The following MAGI2 variants were observed in gnomAD, a reference collection of about 807,000 sequenced individuals.
The protein encoded by MAGI2 is membrane-associated guanylate kinase, WW and PDZ domain-containing protein 2.
In MAGI2, 35 loss-of-function variants were observed where a neutral mutation model predicts 133.3. The ratio of observed to expected loss-of-function variants is 0.26; its 90% CI spans 0.20 to 0.35. The LOEUF (loss-of-function observed/expected upper bound fraction) is 0.35. Ranked by LOEUF, MAGI2 falls within the 10% of genes least tolerant of loss-of-function variation. The pLI is 1.00. For missense variants in MAGI2, 1,636 were observed against 1,863.4 expected (o/e 0.88, Z 2.25); for synonymous variants, 729 against 710.6 (o/e 1.03, Z -0.41).
intron 2 of MAGI2, among the ~76,000 whole-genome samples, chr7:78,980,918 T>C (rs1804729038): frequency 6.6e-6 from 1 of 151,790 alleles, no homozygotes; most frequent in Admixed American, 6.6e-5. Flanking sequence ...TAATTGTGTA[T>C]AGAATTCTCA....
At chr7:79,298,939 C>T (rs1837162674) in intron 1 of MAGI2, among the ~76,000 whole-genome samples, 1 of 152,176 alleles carries the variant, frequency 6.6e-6, no homozygotes, top group South Asian at 2.1e-4. Flanking sequence ...TAATCTCAGG[C>T]TTCTAATCTC....
chr7:78,541,192 G>A (rs1173215795), intron 3 of MAGI2, among the ~76,000 whole-genome samples: 1 of 152,040 alleles, frequency 6.6e-6, no homozygotes, highest in African/African-American at 2.4e-5. Flanking sequence ...GCTGCAATAA[G>A]GATTTTTTTT....
At chr7:79,190,619 C>A (rs1409400396) in intron 1 of MAGI2, among the ~76,000 whole-genome samples, 1 of 151,764 alleles carries the variant, frequency 6.6e-6, no homozygotes, top group East Asian at 1.9e-4. Context: ...TTAATACTTT[C>A]TCATACATAT....
intron 2 of MAGI2, among the ~76,000 whole-genome samples, chr7:78,928,322 A>G (rs1031284902): frequency 2.6e-5 from 4 of 151,916 alleles, no homozygotes; most frequent in Non-Finnish European, 4.4e-5. Flanking sequence ...TGACAAAGAG[A>G]GTCCCTTTTA....
intron 3 of MAGI2, 143 bp downstream of exon 3, chr7:78,626,977 T>C (rs1055382164): frequency 3.2e-6 from 2 of 619,512 alleles, no homozygotes; most frequent in East Asian, 3.6e-5. Context: ...TTTTAACTTT[T>C]TTAGGATACA....
intron 2 of MAGI2, among the ~76,000 whole-genome samples, chr7:78,707,122 C>G (rs944102526): frequency 2.6e-5 from 4 of 151,968 alleles, no homozygotes; most frequent in Non-Finnish European, 4.4e-5. Context: ...ACACCCTTAA[C>G]TTAATTAGGG....
intron 20 of MAGI2, among the ~76,000 whole-genome samples, chr7:78,098,944 T>G (rs1246857506): frequency 6.6e-6 from 1 of 152,216 alleles, no homozygotes; most frequent in Non-Finnish European, 1.5e-5. Context: ...TTAGGTTGTC[T>G]TTCTTGTTTT....
At chr7:78,846,793 T>C (rs967894358) in intron 2 of MAGI2, among the ~76,000 whole-genome samples, 1 of 151,984 alleles carries the variant, frequency 6.6e-6, no homozygotes, top group African/African-American at 2.4e-5. Context: ...AATATTTATA[T>C]CAGTAATAGT....
intron 4 of MAGI2, among the ~76,000 whole-genome samples, chr7:78,510,729 C>A (rs905012927): frequency 6.6e-6 from 1 of 152,138 alleles, no homozygotes; most frequent in Non-Finnish European, 1.5e-5. Flanking sequence ...TTCAAGTTCT[C>A]TATTATGTTC....
At chr7:78,083,292 A>G (rs538738629) in intron 20 of MAGI2, among the ~76,000 whole-genome samples, 126 of 148,770 alleles carry the variant, frequency 8.5e-4, no homozygotes, top group African/African-American at 3.0e-3. Context: ...ATCTCCACTC[A>G]TTCTTAGAGT....
At chr7:79,196,953 T>C (rs1248117943) in intron 1 of MAGI2, among the ~76,000 whole-genome samples, 1 of 151,466 alleles carries the variant, frequency 6.6e-6, no homozygotes. Context: ...TTTTTATATA[T>C]ATAGAGAGAG....
At chr7:78,918,317 C>T (rs888455162) in intron 2 of MAGI2, among the ~76,000 whole-genome samples, 1 of 152,116 alleles carries the variant, frequency 6.6e-6, no homozygotes, top group African/African-American at 2.4e-5. Flanking sequence ...ATTTCAATAC[C>T]ATATCTATGA....
intron 10 of MAGI2, among the ~76,000 whole-genome samples, chr7:78,234,175 T>C (rs535655652): frequency 6.6e-6 from 1 of 152,304 alleles, no homozygotes; most frequent in South Asian, 2.1e-4. Context: ...TTTATAGCCA[T>C]TTAAGTATAA....
intron 1 of MAGI2, among the ~76,000 whole-genome samples, chr7:79,128,246 G>C (rs780671762): frequency 4.0e-5 from 6 of 151,868 alleles, no homozygotes; most frequent in Non-Finnish European, 7.4e-5. Context: ...AGCATATTTA[G>C]TGTTGGTTTA....
At position 78,671,918 on chromosome 7, in the gene MAGI2, T is replaced by C. The variant is rs561235442; in HGVS notation, c.419-44679A>G. Reference sequence around the variant, plus strand: ...TGATGACATTAATTGGGAGGCTAAATTGAAGCTGTGCATAAAAAGCAGCTT... The same window carrying C: ...TGATGACATTAATTGGGAGGCTAAACTGAAGCTGTGCATAAAAAGCAGCTT... On this transcript the variant is annotated intron_variant, in intron 2 of 21. Transcript: ENST00000354212. 2.2e-3 allele frequency among the ~76,000 whole-genome samples: 329 copies of C among 152,304 alleles called. 1 individual carries two copies. The highest frequency in any genetic ancestry group is 7.7e-3 in the African/African-American group (322 of 41,582).
At chr7:79,056,447 T>G (rs903906204) in intron 1 of MAGI2, among the ~76,000 whole-genome samples, 16 of 152,178 alleles carry the variant, frequency 1.1e-4, no homozygotes, top group Admixed American at 3.3e-4. Context: ...TAGTCTTAAT[T>G]TAGACAACCC....
chr7:78,638,616 T>C (rs1809931798), intron 2 of MAGI2, among the ~76,000 whole-genome samples: 1 of 152,190 alleles, frequency 6.6e-6, no homozygotes, highest in Non-Finnish European at 1.5e-5. Context: ...TCTTACAATA[T>C]ACAGGTATAA....
chr7:79,194,058 A>G (rs957501809), intron 1 of MAGI2, among the ~76,000 whole-genome samples: 8 of 151,954 alleles, frequency 5.3e-5, no homozygotes, highest in African/African-American at 1.5e-4. Context: ...CTTAACTAGT[A>G]TAGTATTCAG....
At chr7:78,607,527 A>T (rs1161838348) in intron 3 of MAGI2, among the ~76,000 whole-genome samples, 1 of 152,002 alleles carries the variant, frequency 6.6e-6, no homozygotes, top group African/African-American at 2.4e-5. Context: ...GAGTCTCTGT[A>T]AAATGTACTG....
Sources: gnomAD v4.1 joint callset for allele counts (sites outside exome capture counted in the v4.1 genomes callset) on GRCh38, gnomAD v4.1.1 for gene constraint, MANE v1.5 for transcripts, NCBI Gene and HGNC (gene_info 2026-07-23, HGNC 2026-07-21) for gene names.